The following MYH15 variants were observed in gnomAD, a reference collection of about 807,000 sequenced individuals.
MYH15 encodes myosin-15.
A neutral mutation model predicts 240.5 loss-of-function variants in MYH15; 227 were observed. That is an observed-to-expected ratio of 0.94 (90% CI 0.85 to 1.05). The LOEUF is 1.05. MYH15 is among the 50% of genes least tolerant of loss of function. The pLI is 0.00. For synonymous variants in MYH15, 785 were observed against 796.7 expected (o/e 0.99, Z 0.25); for missense variants, 2,217 against 2,247.5 (o/e 0.99, Z 0.27).
At chr3:108,532,789 C>G (rs568106789), upstream of MYH15, among the ~76,000 whole-genome samples, 4 of 152,202 alleles carry the variant, frequency 2.6e-5, no homozygotes, top group Admixed American at 2.6e-4. Flanking sequence ...TAAGAGAAGG[C>G]AGTAAAATTA....
At position 108,487,120 on chromosome 3, in the gene MYH15, T is replaced by C. The variant is rs145260426; in HGVS notation, c.872-594A>G. On this transcript the variant is annotated intron_variant, in intron 9 of 40. Coordinates refer to ENST00000693548, the MANE Select transcript of MYH15 (RefSeq NM_014981.3). ...GATATGTCTAAGAGTCCTGACATGATTCACTTAGTCAGGAAACATAATCCA... is the reference window on the plus strand; with the variant it reads ...GATATGTCTAAGAGTCCTGACATGACTCACTTAGTCAGGAAACATAATCCA... Among the ~76,000 whole-genome samples the C allele has an allele frequency of 1.6e-3, 246 of 152,328 alleles. 6 individuals carry two copies. The East Asian group carries it at 0.038, about 23-fold the overall frequency.
At chr3:108,381,671 C>T (rs1436209670) in intron 40 of MYH15, 112 bp from the exon 41 acceptor site, 2 of 1,168,704 alleles carry the variant, frequency 1.7e-6, no homozygotes, top group African/African-American at 3.0e-5. Context: ...CCTTAGCCAA[C>T]TCTTCATTAA....
rs1576234838 is a variant in MYH15, at chr3:108,439,966, T to C, written c.2899-53A>G. On this transcript the variant is annotated intron_variant, in intron 23 of 40. Coordinates refer to ENST00000693548, the MANE Select transcript of MYH15 (RefSeq NM_014981.3). ...AAAGCCACTGCTGGAAAGTTGGGCA[T>C]AACACTGAGGGTCATTTCTCTTCTG... 23 of 1,448,258 alleles carry C rather than the reference T, an allele frequency of 1.6e-5. No individual in the cohort carries two copies. In the East Asian group the frequency reaches 4.8e-4, roughly 30 times the overall value. The allele number at this position is 1,448,258 out of a possible 1,614,324, so 89.7% of individuals were successfully genotyped here.
intron 25 of MYH15, 90 bp downstream of exon 25, chr3:108,437,464 C>T: frequency 1.4e-6 from 2 of 1,474,714 alleles, no homozygotes; most frequent in East Asian, 2.3e-5. Flanking sequence ...GCTATCTGGC[C>T]CTGGAGTCCT....
intron 32 of MYH15, among the ~76,000 whole-genome samples, chr3:108,407,967 G>T (rs2082558758): frequency 6.6e-6 from 1 of 152,198 alleles, no homozygotes; most frequent in South Asian, 2.1e-4. Flanking sequence ...TGGGCCACAT[G>T]TTGAGTAGTG....
chr3:108,546,954 T>C, the MYH15 span, among the ~76,000 whole-genome samples: 2 of 152,094 alleles, frequency 1.3e-5, no homozygotes, highest in African/African-American at 4.8e-5. Context: ...TAAACCATGA[T>C]TTTTTGAGTT....
the MYH15 span, among the ~76,000 whole-genome samples, chr3:108,545,595 T>C: frequency 1.3e-5 from 2 of 152,040 alleles, no homozygotes; most frequent in Admixed American, 6.5e-5. Context: ...AACATGGTTT[T>C]AAAAAGTTAA....
At chr3:108,431,181 T>A (rs1458683005) in intron 25 of MYH15, among the ~76,000 whole-genome samples, 1 of 152,256 alleles carries the variant, frequency 6.6e-6, no homozygotes, top group Non-Finnish European at 1.5e-5. Context: ...CCATTTTGTT[T>A]AATTATGTTT....
chr3:108,492,497 T>TA lies in MYH15; in HGVS notation c.871+2dup, dbSNP rs777288512. Reference sequence around the variant, plus strand: ...ACCCTAAGCTCCAGAATCCTACACTTACCATGAAGCTCTTTTTGTCCAGAT... The same window carrying TA: ...ACCCTAAGCTCCAGAATCCTACACTTAACCATGAAGCTCTTTTTGTCCAGAT... On this transcript the variant is annotated splice_region_variant and intron_variant, in intron 9 of 40. Transcript: ENST00000693548. 1,337 of 1,602,268 alleles carry TA rather than the reference T, an allele frequency of 8.3e-4. No homozygotes were observed. The highest frequency in any genetic ancestry group is 9.1e-4 in the Non-Finnish European group (1,061 of 1,170,042).
At chr3:108,446,431 G>C (rs2107572644) in intron 21 of MYH15, among the ~76,000 whole-genome samples, 1 of 152,300 alleles carries the variant, frequency 6.6e-6, no homozygotes, top group Middle Eastern at 3.4e-3. Flanking sequence ...AAGAATCTCT[G>C]ACCAAGCTTA....
At chr3:108,500,322 C>A in intron 3 of MYH15, 48 bp from the exon 4 acceptor site, 1 of 1,566,068 alleles carries the variant, frequency 6.4e-7, no homozygotes, top group Non-Finnish European at 8.7e-7. Flanking sequence ...AGAAATACTT[C>A]CAGGTTTGTC....
rs929027691 is a variant in MYH15 at position 108,430,121 on chromosome 3, T to C, written c.3312+711A>G. ...TAATAGTGTGTCTGAAACTAAAATG[T>C]TTACAAAACATTGAGACTGGTTTTC... On this transcript the variant is annotated intron_variant, in intron 26 of 40. Coordinates refer to ENST00000693548, the MANE Select transcript of MYH15 (RefSeq NM_014981.3). Among the ~76,000 whole-genome samples, 4 of 152,278 alleles carry C rather than the reference T, an allele frequency of 2.6e-5. No homozygotes were observed. In the East Asian group the frequency reaches 5.8e-4, roughly 22 times the overall value.
In MYH15 at chr3:108,453,990, G is replaced by A. The variant is rs2082997922; in HGVS notation, c.2399+16C>T. 5 of 1,606,628 alleles carry A rather than the reference G, an allele frequency of 3.1e-6. No homozygotes were observed. The highest frequency in any genetic ancestry group is 4.3e-6 in the Non-Finnish European group (5 of 1,174,600). On this transcript the variant is annotated intron_variant, in intron 21 of 40. Coordinates refer to ENST00000693548, the MANE Select transcript of MYH15 (RefSeq NM_014981.3). ...TATTACCCTAGCAGTTGGGGAGCAGGGTGGGCATATAATACCTTTCTTCCA... is the reference window on the plus strand; with the variant it reads ...TATTACCCTAGCAGTTGGGGAGCAGAGTGGGCATATAATACCTTTCTTCCA...
intron 9 of MYH15, among the ~76,000 whole-genome samples, chr3:108,490,125 A>C (rs1228088992): frequency 6.6e-6 from 1 of 152,216 alleles, no homozygotes; most frequent in Non-Finnish European, 1.5e-5. Flanking sequence ...TAGATTTGAT[A>C]GGACTAATCA....
At chr3:108,414,498 A>ATTT in intron 29 of MYH15, 70 bp from the exon 30 acceptor site, 1 of 1,276,618 alleles carries the variant, frequency 7.8e-7, no homozygotes, top group Non-Finnish European at 1.0e-6. Flanking sequence ...AAGTAAGCTA[A>ATTT]TTTTTTTTTT....
intron 21 of MYH15, among the ~76,000 whole-genome samples, chr3:108,452,590 T>C (rs2082983499): frequency 6.6e-6 from 1 of 152,118 alleles, no homozygotes; most frequent in Admixed American, 6.6e-5. Flanking sequence ...CAAAATATTA[T>C]TTACATGAAG....
At chr3:108,456,491 A>G (rs1248683974) in intron 19 of MYH15, among the ~76,000 whole-genome samples, 2 of 152,176 alleles carry the variant, frequency 1.3e-5, no homozygotes, top group South Asian at 2.1e-4. Context: ...GATTCAATTC[A>G]GCCTCCATAT....
chr3:108,541,664 T>C, the MYH15 span, among the ~76,000 whole-genome samples: 1 of 152,102 alleles, frequency 6.6e-6, no homozygotes, highest in Non-Finnish European at 1.5e-5. Context: ...TATTTGTAAA[T>C]GTACATACAC....
chr3:108,437,779 T>C, intron 24 of MYH15, 80 bp from the exon 25 acceptor site: 1 of 1,215,618 alleles, frequency 8.2e-7, no homozygotes, highest in South Asian at 1.9e-5. Context: ...ACCACTTACC[T>C]TCTGGAAAAA....
Sources: gnomAD v4.1 joint callset for allele counts (sites outside exome capture counted in the v4.1 genomes callset) on GRCh38, gnomAD v4.1.1 for gene constraint, MANE v1.5 for transcripts, NCBI Gene and HGNC (gene_info 2026-07-23, HGNC 2026-07-21) for gene names.